The following PCDHGA12 variants were observed in gnomAD, a reference collection of about 807,000 sequenced individuals.
PCDHGA12 encodes the protein protocadherin gamma-A12.
In PCDHGA12, 43 loss-of-function variants were observed where a neutral mutation model predicts 61.1. The ratio of observed to expected loss-of-function variants is 0.70; its 90% confidence interval spans 0.55 to 0.91. The LOEUF (loss-of-function observed/expected upper bound fraction) is 0.91. PCDHGA12 is among the 40% of genes least tolerant of loss of function. The probability of loss-of-function intolerance (pLI) is 0.00; values close to 1 mark genes in which losing one functional copy is unlikely to be tolerated. For missense variants in PCDHGA12, 1,236 were observed against 1,227.7 expected (o/e 1.01, Z -0.10); for synonymous variants, 520 against 542.9 (o/e 0.96, Z 0.59).
At chr5:141,460,177 T>C (rs1021646181) in intron 1 of PCDHGA12, among the ~76,000 whole-genome samples, 13 of 152,138 alleles carry the variant, frequency 8.5e-5, no homozygotes, top group African/African-American at 3.1e-4. Context: ...TTGTGGATAT[T>C]TTATCCCAGA....
In PCDHGA12 at chr5:141,476,628, C is replaced by T. The variant is rs899753438; in HGVS notation, c.2425-18179C>T. 6.2e-6 allele frequency: 10 copies of T among 1,614,160 alleles called. No individual in the cohort carries two copies. The highest frequency in any genetic ancestry group is 7.6e-6 in the Non-Finnish European group (9 of 1,180,068). On this transcript the variant is annotated intron_variant, in intron 1 of 3. Coordinates refer to ENST00000252085, the MANE Select transcript of PCDHGA12 (RefSeq NM_003735.3). The surrounding 1 kb of genome is among the most constrained non-coding windows in gnomAD (Gnocchi z 7.6). ...GATGTGGGAAGCAACTCTTTACAAACCTATGAGCTGAGCCGAAATGAATAC... is the reference window on the plus strand; with the variant it reads ...GATGTGGGAAGCAACTCTTTACAAATCTATGAGCTGAGCCGAAATGAATAC...
At chr5:141,469,807 T>C (rs1294838215) in intron 1 of PCDHGA12, among the ~76,000 whole-genome samples, 1 of 152,070 alleles carries the variant, frequency 6.6e-6, no homozygotes, top group African/African-American at 2.4e-5. Context: ...AAAAACATTG[T>C]AGATAGAATG....
intron 2 of PCDHGA12, among the ~76,000 whole-genome samples, chr5:141,501,838 G>A (rs888418141): frequency 6.6e-6 from 1 of 152,000 alleles, no homozygotes; most frequent in African/African-American, 2.4e-5. Flanking sequence ...CACCTGTTTG[G>A]CCCTCAACCT....
At chr5:141,460,214 G>A (rs925628892) in intron 1 of PCDHGA12, among the ~76,000 whole-genome samples, 2 of 151,896 alleles carry the variant, frequency 1.3e-5, no homozygotes, top group Admixed American at 6.6e-5. Flanking sequence ...CATTTTCTTA[G>A]TTGTGTCTTT....
At chr5:141,447,244 A>G (rs1475037979) in intron 1 of PCDHGA12, among the ~76,000 whole-genome samples, 1 of 152,062 alleles carries the variant, frequency 6.6e-6, no homozygotes, top group South Asian at 2.1e-4. Flanking sequence ...GGTTCAAGTG[A>G]TTCTTCTGTC....
chr5:141,481,691 C>T (rs929210528), intron 1 of PCDHGA12, among the ~76,000 whole-genome samples: 7 of 152,080 alleles, frequency 4.6e-5, no homozygotes, highest in African/African-American at 1.4e-4. Flanking sequence ...TGGTGGCTCA[C>T]GCCTGTAATC....
chr5:141,487,377 C>G lies in PCDHGA12; in HGVS notation c.2425-7430C>G, dbSNP rs758216933. On this transcript the variant is annotated intron_variant, in intron 1 of 3. Coordinates refer to ENST00000252085, the MANE Select transcript of PCDHGA12 (RefSeq NM_003735.3). This position sits in a 1 kb window ranked among gnomAD's most constrained non-coding sequence, Gnocchi z 5.0. ...CCTGCTGGCACCTGTGCCTGTCTCA[C>G]CAGATCTCGAAGGAGGGAGGGGCTT... 6.2e-7 allele frequency: 1 copy of G among 1,614,190 alleles called. No individual in the cohort carries two copies. The highest frequency in any genetic ancestry group is 1.1e-5 in the South Asian group (1 of 91,086).
chr5:141,450,251 C>T (rs2154563018), intron 1 of PCDHGA12, among the ~76,000 whole-genome samples: 1 of 152,200 alleles, frequency 6.6e-6, no homozygotes. Context: ...CTCCTGACCT[C>T]AAGTGATCTG....
In PCDHGA12 at chr5:141,477,625, C is replaced by T; in HGVS notation, c.2425-17182C>T. ...TTCTCTTGGAGCAAGGAGCTGAAACCGGGCTAGTGGGTCGCTATTTCACAA... is the reference window on the plus strand; with the variant it reads ...TTCTCTTGGAGCAAGGAGCTGAAACTGGGCTAGTGGGTCGCTATTTCACAA... On this transcript the variant is annotated intron_variant, in intron 1 of 3. Coordinates refer to ENST00000252085, the MANE Select transcript of PCDHGA12 (RefSeq NM_003735.3). This position sits in a 1 kb window ranked among gnomAD's most constrained non-coding sequence, Gnocchi z 4.9. The T allele has an allele frequency of 1.2e-6, 2 of 1,614,200 alleles. No homozygotes were observed. Among genetic ancestry groups the T allele is most frequent in the Non-Finnish European group, 1.7e-6 (2 of 1,180,046 alleles).
chr5:141,473,235 C>T (rs1322325327), intron 1 of PCDHGA12, among the ~76,000 whole-genome samples: 1 of 152,132 alleles, frequency 6.6e-6, no homozygotes, highest in Non-Finnish European at 1.5e-5. Flanking sequence ...TGGATCCACA[C>T]AAGTGAATAC....
At chr5:141,464,300 A>T (rs1349155102) in intron 1 of PCDHGA12, among the ~76,000 whole-genome samples, 2 of 149,898 alleles carry the variant, frequency 1.3e-5, no homozygotes, top group African/African-American at 4.9e-5. Flanking sequence ...ACTCCATTGT[A>T]TGTGCACATA....
intron 1 of PCDHGA12, among the ~76,000 whole-genome samples, chr5:141,455,902 TA>T (rs2098836291): frequency 6.7e-6 from 1 of 149,860 alleles, no homozygotes. Context: ...TTTATTTATT[TA>T]TTTATTTATT....
intron 1 of PCDHGA12, among the ~76,000 whole-genome samples, chr5:141,480,290 C>T (rs1053173416): frequency 2.2e-5 from 3 of 134,088 alleles, no homozygotes; most frequent in Non-Finnish European, 4.7e-5. Flanking sequence ...TGGCATGCAC[C>T]TGTGGTACCA....
intron 1 of PCDHGA12, among the ~76,000 whole-genome samples, chr5:141,442,717 C>T (rs918238654): frequency 1.3e-5 from 2 of 152,166 alleles, no homozygotes; most frequent in African/African-American, 2.4e-5. Flanking sequence ...CATGCCAGAG[C>T]ATTTGGGGCC....
intron 3 of PCDHGA12, among the ~76,000 whole-genome samples, chr5:141,507,590 T>C (rs531629336): frequency 1.3e-5 from 2 of 152,374 alleles, no homozygotes; most frequent in African/African-American, 4.8e-5. Context: ...AGTTGGCCTC[T>C]TGAGGGAAAT....
In PCDHGA12 at chr5:141,451,946, G is replaced by A. The variant is rs146934262; in HGVS notation, c.2424+18763G>A. On this transcript the variant is annotated intron_variant, in intron 1 of 3. Coordinates refer to ENST00000252085, the MANE Select transcript of PCDHGA12 (RefSeq NM_003735.3). ...GGAGGTAGGGAGGCAGGGAAAGACC[G>A]AGAAAGTGACATACCATCATTTTTG... Among the ~76,000 whole-genome samples, 240 of 152,218 alleles carry A rather than the reference G, an allele frequency of 1.6e-3. 1 individual carries two copies. Among genetic ancestry groups the A allele is most frequent in the Non-Finnish European group, 2.9e-3 (195 of 68,026 alleles).
chr5:141,430,715 A>T lies in PCDHGA12; in HGVS notation c.-45A>T. On this transcript the variant is annotated 5_prime_UTR_variant, in exon 1 of 4. Transcript: ENST00000252085. Reference sequence around the variant, plus strand: ...GGGCGAAGGAACTGCTCCTGACTTCAGTGGTTAAGGGCAGAATTGAAAATA... The same window carrying T: ...GGGCGAAGGAACTGCTCCTGACTTCTGTGGTTAAGGGCAGAATTGAAAATA... 6.7e-7 allele frequency: 1 copy of T among 1,483,384 alleles called. No individual in the cohort carries two copies. Among genetic ancestry groups the T allele is most frequent in the Non-Finnish European group, 8.9e-7 (1 of 1,117,938 alleles). The allele number at this position is 1,483,384 out of a possible 1,614,324, so 91.9% of individuals were successfully genotyped here.
chr5:141,433,437 T>C (rs1422634356), intron 1 of PCDHGA12, among the ~76,000 whole-genome samples: 2 of 152,076 alleles, frequency 1.3e-5, no homozygotes, highest in Admixed American at 1.3e-4. Flanking sequence ...AGTCTCACTA[T>C]GTTGAGCAGG....
At chr5:141,438,996 A>G (rs2098080427) in intron 1 of PCDHGA12, among the ~76,000 whole-genome samples, 1 of 151,634 alleles carries the variant, frequency 6.6e-6, no homozygotes, top group African/African-American at 2.4e-5. Flanking sequence ...AAGGCTAAGG[A>G]CCTGGTTTGT....
Sources: allele counts gnomAD v4.1 joint callset (sites outside exome capture counted in the v4.1 genomes callset), GRCh38; gene constraint gnomAD v4.1.1; non-coding constraint Gnocchi (gnomAD v3.1); transcripts MANE v1.5; gene names NCBI Gene and HGNC (gene_info 2026-07-23, HGNC 2026-07-21).